ESR1: variants seen among roughly 807,000 people sequenced by gnomAD.
ESR1 encodes the protein estrogen receptor.
ESR1 carries 12 observed loss-of-function variants against 52.7 expected under a neutral mutation model. The observed-to-expected ratio is 0.23, with a 90% CI of 0.15 to 0.37. The LOEUF (loss-of-function observed/expected upper bound fraction) is 0.37, where lower values mean the gene tolerates loss of function less well. Ranked by LOEUF, ESR1 falls within the 10% of genes least tolerant of loss-of-function variation. The pLI is 1.00. For missense variants in ESR1, 584 were observed against 779.7 expected, an observed-to-expected ratio of 0.75 and a Z score of 2.99; for synonymous variants, 305 against 316.8, an observed-to-expected ratio of 0.96 and a Z score of 0.39.
At chr6:152,033,926 T>C (rs2045002251) in intron 5 of ESR1, among the ~76,000 whole-genome samples, 3 of 152,006 alleles carry the variant, frequency 2.0e-5, no homozygotes, top group Admixed American at 1.3e-4. Context: ...ATTAAGAAAA[T>C]GTGGCACATA....
chr6:151,862,051 AT>A (rs1201319352), intron 2 of ESR1, among the ~76,000 whole-genome samples: 2 of 152,186 alleles, frequency 1.3e-5, no homozygotes, highest in Non-Finnish European at 2.9e-5. Flanking sequence ...GAGATTTAAT[AT>A]CTAATAATAA....
intron 5 of ESR1, among the ~76,000 whole-genome samples, chr6:152,014,479 A>G (rs1363153782): frequency 6.8e-6 from 1 of 146,222 alleles, no homozygotes; most frequent in African/African-American, 2.7e-5. Context: ...CCTCAGACAC[A>G]CTGTACTCTA....
chr6:152,089,168 A>T (rs1364081346), intron 6 of ESR1, among the ~76,000 whole-genome samples: 1 of 152,258 alleles, frequency 6.6e-6, no homozygotes, highest in Non-Finnish European at 1.5e-5. Flanking sequence ...ATGTCAATGT[A>T]AAACAGATAC....
chr6:151,859,020 G>A (rs1199498475), intron 2 of ESR1, among the ~76,000 whole-genome samples: 1 of 152,142 alleles, frequency 6.6e-6, no homozygotes, highest in Admixed American at 6.5e-5. Flanking sequence ...AAAACTACAG[G>A]AGTAGTCACT....
At chr6:152,113,585 T>A (rs1230885632) in intron 6 of ESR1, among the ~76,000 whole-genome samples, 1 of 152,128 alleles carries the variant, frequency 6.6e-6, no homozygotes, top group African/African-American at 2.4e-5. Context: ...TGTGTGTGTG[T>A]GTGTGTGTGT....
Position 151,683,248 on chromosome 6 carries a change from T to C in ESR1, n.74-18627T>C, listed in dbSNP as rs1201867998. On this transcript the variant is annotated intron_variant and non_coding_transcript_variant, in intron 1 of 2. Coordinates refer to the ESR1 transcript ENST00000473497. ...ATGTCCTTTCCAGTACAGATTTTGG[T>C]ATTGTAGAGGGAGGTTTACAAGCCC... Among the ~76,000 whole-genome samples, 3 of 152,124 alleles carry C rather than the reference T, an allele frequency of 2.0e-5. 1 individual carries two copies. The highest frequency in any genetic ancestry group is 2.0e-4 in the Admixed American group (3 of 15,280).
intron 5 of ESR1, among the ~76,000 whole-genome samples, chr6:152,057,694 TACAC>T (rs10560254): frequency 0.034 from 4,991 of 145,750 alleles, 233 homozygotes; most frequent in African/African-American, 0.11. Flanking sequence ...TACACATGCA[TACAC>T]ACACACACAC....
chr6:151,957,965 A>T (rs1428704988), intron 4 of ESR1, among the ~76,000 whole-genome samples: 1 of 152,046 alleles, frequency 6.6e-6, no homozygotes, highest in Non-Finnish European at 1.5e-5. Flanking sequence ...CTCAAGGTCG[A>T]CTCCTGGCCT....
chr6:151,887,919 C>T (rs1562515034), intron 3 of ESR1, among the ~76,000 whole-genome samples: 2 of 152,184 alleles, frequency 1.3e-5, no homozygotes, highest in Admixed American at 6.5e-5. Flanking sequence ...TATCCAGTTT[C>T]TCTAGAAACA....
At chr6:151,736,618 A>G (rs770268195) in intron 2 of ESR1, among the ~76,000 whole-genome samples, 9 of 151,952 alleles carry the variant, frequency 5.9e-5, no homozygotes, top group Admixed American at 3.3e-4. Context: ...AGCTCAGGTG[A>G]TCCACCCACC....
At chr6:151,846,306 A>G (rs529007053) in intron 2 of ESR1, among the ~76,000 whole-genome samples, 78 of 152,330 alleles carry the variant, frequency 5.1e-4, no homozygotes, top group African/African-American at 1.8e-3. Flanking sequence ...GATTTCCTTT[A>G]TACTTTAAAA....
chr6:151,838,397 C>T (rs2128226651), intron 1 of ESR1, among the ~76,000 whole-genome samples: 1 of 152,302 alleles, frequency 6.6e-6, no homozygotes, highest in South Asian at 2.1e-4. Context: ...CTGATCTAGC[C>T]ATAGGTACTC....
intron 1 of ESR1, among the ~76,000 whole-genome samples, chr6:151,669,933 T>C (rs1236523616): frequency 6.6e-6 from 1 of 152,178 alleles, no homozygotes; most frequent in African/African-American, 2.4e-5. Context: ...GAAGATTTGT[T>C]GGAGGCAAAT....
intron 5 of ESR1, among the ~76,000 whole-genome samples, chr6:152,049,980 T>C (rs946760535): frequency 1.3e-5 from 2 of 152,228 alleles, no homozygotes; most frequent in African/African-American, 4.8e-5. Context: ...ATGGACTTCC[T>C]TACACAAAAA....
intron 6 of ESR1, among the ~76,000 whole-genome samples, chr6:152,079,964 A>G (rs143554910): frequency 0.087 from 13,183 of 152,250 alleles, 1,193 homozygotes; most frequent in African/African-American, 0.23. Context: ...AAAGAAACGA[A>G]CAAAGCCTCC....
intron 2 of ESR1, among the ~76,000 whole-genome samples, chr6:151,725,958 G>C (rs185049279): frequency 7.7e-4 from 118 of 152,348 alleles, no homozygotes; most frequent in Non-Finnish European, 9.6e-4. Flanking sequence ...CTCATAAAAA[G>C]GTGAGCTTGT....
chr6:152,085,355 T>G (rs1490619902), intron 6 of ESR1, among the ~76,000 whole-genome samples: 1 of 151,940 alleles, frequency 6.6e-6, no homozygotes, highest in Non-Finnish European at 1.5e-5. Flanking sequence ...AAAAAAGATG[T>G]CCAAGTGTGT....
At chr6:151,992,729 T>G (rs1456593396) in intron 4 of ESR1, among the ~76,000 whole-genome samples, 3 of 152,132 alleles carry the variant, frequency 2.0e-5, no homozygotes, top group Non-Finnish European at 4.4e-5. Flanking sequence ...GGTGGACCAG[T>G]GGGCACCCTT....
upstream of ESR1, among the ~76,000 whole-genome samples, chr6:151,806,137 C>A (rs1358142266): frequency 1.3e-5 from 2 of 152,144 alleles, no homozygotes; most frequent in Non-Finnish European, 2.9e-5. Flanking sequence ...TGATTGCTGG[C>A]CATAAAGGGA....
Sources: allele counts gnomAD v4.1 joint callset (sites outside exome capture counted in the v4.1 genomes callset), GRCh38; gene constraint gnomAD v4.1.1; transcripts MANE v1.5; gene names NCBI Gene and HGNC (gene_info 2026-07-23, HGNC 2026-07-21).